The following ZNF680 variants were observed in gnomAD, a reference collection of about 807,000 sequenced individuals.
The protein encoded by ZNF680 is zinc finger protein 680.
In ZNF680, 6 loss-of-function variants were observed where a neutral mutation model predicts 12.1. The ratio of observed to expected loss-of-function variants is 0.49; its 90% confidence interval spans 0.27 to 0.98. ZNF680 has a LOEUF of 0.98. ZNF680 is among the 50% of genes least tolerant of loss of function. ZNF680 has a pLI of 0.12. For synonymous variants in ZNF680, 170 were observed against 199.3 expected (o/e 0.85, Z 1.24); for missense variants, 561 against 616.3 (o/e 0.91, Z 0.95).
Position 64,521,732 on chromosome 7 carries a change from T to C in ZNF680, c.1022A>G (p.Lys341Arg), listed in dbSNP as rs1791547052. The C allele has an allele frequency of 6.2e-7, 1 of 1,612,722 alleles. No individual in the cohort carries two copies. Among genetic ancestry groups the C allele is most frequent in the East Asian group, 2.2e-5 (1 of 44,852 alleles). The change falls in exon 4 of 4, where the codon AAG becomes AGG. Residue 341 changes from lysine (K) to arginine (R), a missense_variant. Physicochemically the swap from Lys to Arg is conservative, Grantham distance 26. Transcript: ENST00000309683. ...FNQFSNLTKH[K>R]KIHTGEKPYK... is the part of the protein sequence containing the mutation. ...GGGTTTCTCTCCAGTATGAATTTTCTTATGTTTAGTAAGGTTTGAAAACTG... is the reference window on the plus strand; with the variant it reads ...GGGTTTCTCTCCAGTATGAATTTTCCTATGTTTAGTAAGGTTTGAAAACTG...
intron 3 of ZNF680, among the ~76,000 whole-genome samples, chr7:64,539,142 A>T (rs947644446): frequency 1.3e-5 from 2 of 151,254 alleles, no homozygotes; most frequent in Non-Finnish European, 2.9e-5. Flanking sequence ...AAAAAAAAAA[A>T]AAAAAAAAGC....
chr7:64,539,346 C>A (rs1262778691), intron 3 of ZNF680, among the ~76,000 whole-genome samples: 8 of 39,910 alleles, frequency 2.0e-4, no homozygotes, highest in Non-Finnish European at 3.5e-4. Context: ...AGCAAAACTT[C>A]GTCTCAAAAA....
At chr7:64,543,240 G>T (rs1004212103) in intron 3 of ZNF680, among the ~76,000 whole-genome samples, 3 of 151,822 alleles carry the variant, frequency 2.0e-5, no homozygotes, top group African/African-American at 7.3e-5. Flanking sequence ...TTATAATTTC[G>T]AACTATATTT....
In ZNF680 at chr7:64,543,710, G is replaced by A; in HGVS notation, c.250C>T (p.Pro84Ser). ...RKRQEMVAKP[P>S]VIYSHFTEDL... ...ATTCACTATCACTCTCACCTACCTG[G>A]GGGTTTGGCTACCATCTCCTGTCTC... is the stretch of plus-strand genomic sequence containing the variant. Residue 84 changes from proline (P) to serine (S), a missense_variant, in exon 3 of 4, where the codon CCA becomes TCA. Pro to Ser is a moderately conservative substitution (Grantham distance 74, BLOSUM62 -1). Transcript: ENST00000309683. 1.2e-6 allele frequency: 2 copies of A among 1,612,604 alleles called. No homozygotes were observed. Among genetic ancestry groups the A allele is most frequent in the South Asian group, 1.1e-5 (1 of 90,968 alleles).
intron 1 of ZNF680, among the ~76,000 whole-genome samples, chr7:64,554,053 G>A (rs1163521941): frequency 1.3e-5 from 2 of 151,454 alleles, no homozygotes; most frequent in Non-Finnish European, 3.0e-5. Context: ...CCCATCCTCT[G>A]GGATGTGAGG....
the ZNF680 span, among the ~76,000 whole-genome samples, chr7:64,512,620 T>A: frequency 1.8e-4 from 27 of 152,040 alleles, no homozygotes; most frequent in East Asian, 3.8e-4. Context: ...TTAAAAAAAA[T>A]TTTTCTCATA....
At position 64,544,286 on chromosome 7, in the gene ZNF680, T is replaced by G; in HGVS notation, c.157+20A>C. The stretch of plus-strand genomic sequence containing the variant: ...AACCTTTAGGGCATATTAGGAATTG[T>G]GTGTTGAAGTTATCCTCACCCAGGA... On this transcript the variant is annotated intron_variant, in intron 2 of 3. Coordinates refer to ENST00000309683, the MANE Select transcript of ZNF680 (RefSeq NM_178558.5). The G allele has an allele frequency of 1.3e-6, 2 of 1,594,962 alleles. No homozygotes were observed. Among genetic ancestry groups the G allele is most frequent in the Non-Finnish European group, 1.7e-6 (2 of 1,169,478 alleles).
intron 3 of ZNF680, among the ~76,000 whole-genome samples, chr7:64,534,214 CAGAGT>C (rs941622717): frequency 1.6e-4 from 25 of 152,244 alleles, no homozygotes; most frequent in African/African-American, 5.8e-4. Context: ...GAACAGTCAG[CAGAGT>C]AAACAGACAA....
intron 1 of ZNF680, among the ~76,000 whole-genome samples, chr7:64,555,012 C>A (rs778374466): frequency 1.7e-4 from 26 of 151,976 alleles, no homozygotes; most frequent in Middle Eastern, 3.2e-3. Flanking sequence ...AAAAAAAAAT[C>A]TGTGGATGTA....
intron 1 of ZNF680, among the ~76,000 whole-genome samples, chr7:64,554,593 C>G (rs554245217): frequency 5.3e-5 from 8 of 152,292 alleles, no homozygotes; most frequent in East Asian, 1.9e-4. Context: ...CGGATTGTTT[C>G]TGTGTGTGGA....
At chr7:64,553,455 T>C (rs929001004) in intron 1 of ZNF680, among the ~76,000 whole-genome samples, 2 of 152,222 alleles carry the variant, frequency 1.3e-5, no homozygotes, top group Admixed American at 6.5e-5. Flanking sequence ...TCTTTAGACA[T>C]GCTCTTGAAG....
At chr7:64,499,571 C>A in the ZNF680 span, among the ~76,000 whole-genome samples, 1 of 152,180 alleles carries the variant, frequency 6.6e-6, no homozygotes, top group Non-Finnish European at 1.5e-5. Context: ...GCCTGGCCAT[C>A]ATAGCGAAAC....
rs762204899 is a variant in ZNF680, at chr7:64,521,692, T to C, written c.1062A>G (p.Glu354=). Reference sequence around the variant, plus strand: ...CAAACTGGTTAAAAGCTTTGCCACATTCTTCACATTTGTAGGGTTTCTCTC... The same window carrying C: ...CAAACTGGTTAAAAGCTTTGCCACACTCTTCACATTTGTAGGGTTTCTCTC... ...HTGEKPYKCE[E]CGKAFNQFAN... is the part of the protein sequence containing the mutation. Residue 354 remains glutamate, a synonymous_variant, in exon 4 of 4, where the codon GAA becomes GAG. Coordinates refer to ENST00000309683, the MANE Select transcript of ZNF680 (RefSeq NM_178558.5). 6.2e-7 allele frequency: 1 copy of C among 1,612,606 alleles called. No homozygotes were observed. Among genetic ancestry groups the C allele is most frequent in the South Asian group, 1.1e-5 (1 of 91,040 alleles).
At chr7:64,556,692 T>A (rs915464947) in intron 1 of ZNF680, among the ~76,000 whole-genome samples, 3 of 151,432 alleles carry the variant, frequency 2.0e-5, no homozygotes, top group Non-Finnish European at 2.9e-5. Flanking sequence ...TGAAAGAAAA[T>A]CTAAAAAATA....
At chr7:64,545,470 T>A (rs573537219) in intron 1 of ZNF680, among the ~76,000 whole-genome samples, 13 of 152,016 alleles carry the variant, frequency 8.6e-5, no homozygotes, top group Non-Finnish European at 1.5e-4. Context: ...TAAAAAAAAC[T>A]TGTCAGACAG....
chr7:64,518,030 A>G (rs1791389524), downstream of ZNF680, among the ~76,000 whole-genome samples: 1 of 152,108 alleles, frequency 6.6e-6, no homozygotes, highest in Non-Finnish European at 1.5e-5. Flanking sequence ...GAACAACACC[A>G]GGATGTGTAC....
intron 1 of ZNF680, among the ~76,000 whole-genome samples, chr7:64,553,866 C>T (rs932986234): frequency 2.9e-4 from 44 of 152,314 alleles, no homozygotes; most frequent in African/African-American, 9.1e-4. Context: ...GGATTGCAGA[C>T]GGAGTCTCGC....
At chr7:64,518,638 A>C (rs1040118537), downstream of ZNF680, among the ~76,000 whole-genome samples, 2 of 152,036 alleles carry the variant, frequency 1.3e-5, no homozygotes, top group African/African-American at 4.8e-5. Flanking sequence ...CTGATATAAA[A>C]ATAGGCATAT....
intron 3 of ZNF680, among the ~76,000 whole-genome samples, chr7:64,539,193 T>TA (rs1176491282): frequency 1.4e-4 from 16 of 117,318 alleles, no homozygotes; most frequent in African/African-American, 5.2e-4. Flanking sequence ...TATAAATACA[T>TA]AAAAAAAGTA....
Sources: gnomAD v4.1 joint callset for allele counts (sites outside exome capture counted in the v4.1 genomes callset) on GRCh38, gnomAD v4.1.1 for gene constraint, MANE v1.5 for transcripts, NCBI Gene and HGNC (gene_info 2026-07-23, HGNC 2026-07-21) for gene names.